Variants in PLEKHG4B observed in about 807,000 individuals in gnomAD.
PLEKHG4B encodes pleckstrin homology and RhoGEF domain containing G4B.
PLEKHG4B carries 111 observed loss-of-function variants against 121.3 expected under a neutral mutation model. The observed-to-expected ratio is 0.92, with a 90% CI of 0.78 to 1.07. The LOEUF is 1.07. Ranked by LOEUF, PLEKHG4B falls within the 50% of genes least tolerant of loss-of-function variation. PLEKHG4B has a pLI of 0.00. For synonymous variants in PLEKHG4B, 738 were observed against 725.0 expected (o/e 1.02, Z -0.29); for missense variants, 1,831 against 1,757.8 (o/e 1.04, Z -0.74).
At position 156,657 on chromosome 5, in the gene PLEKHG4B, C is replaced by T. The variant is rs534743384; in HGVS notation, c.2349-116C>T. ...GTTGTGGGCCTCCTCCTGGGGCTCC[C>T]GTTGCCTTGTGGCATGAGGGAATGG... On this transcript the variant is annotated intron_variant, in intron 10 of 19. Coordinates refer to ENST00000637938, the MANE Select transcript of PLEKHG4B (RefSeq NM_052909.5). The surrounding 1 kb of genome is among the most constrained non-coding windows in gnomAD (Gnocchi z 4.4). 6 of 1,353,326 alleles carry T rather than the reference C, an allele frequency of 4.4e-6. No homozygotes were observed. The highest frequency in any genetic ancestry group is 1.5e-5 in the South Asian group (1 of 66,564). 83.8% of individuals were successfully genotyped at this position (1,353,326 alleles called of 1,614,324 possible).
chr5:118,622 C>T (rs1734374965), intron 2 of PLEKHG4B, among the ~76,000 whole-genome samples: 1 of 152,110 alleles, frequency 6.6e-6, no homozygotes, highest in African/African-American at 2.4e-5. Context: ...TCTAAACTCC[C>T]CTTCATGTTG....
intron 18 of PLEKHG4B, among the ~76,000 whole-genome samples, chr5:175,867 C>T (rs1327374041): frequency 3.8e-5 from 1 of 26,492 alleles, no homozygotes; most frequent in African/African-American, 3.0e-4. Context: ...CAGGCAGACA[C>T]GACCAGGGCT....
At chr5:110,736 ACT>A (rs1734132897) in intron 1 of PLEKHG4B, among the ~76,000 whole-genome samples, 1 of 151,612 alleles carries the variant, frequency 6.6e-6, no homozygotes, top group Non-Finnish European at 1.5e-5. Context: ...CACACCAGCC[ACT>A]CTGCAACAAA....
At chr5:168,404 T>C (rs1651446571) in intron 13 of PLEKHG4B, among the ~76,000 whole-genome samples, 1 of 152,064 alleles carries the variant, frequency 6.6e-6, no homozygotes, top group African/African-American at 2.4e-5. Context: ...CTGAAGCTGC[T>C]CCTTAAGGTG....
chr5:103,763 A>C (rs1415583211), intron 1 of PLEKHG4B, among the ~76,000 whole-genome samples: 1 of 152,216 alleles, frequency 6.6e-6, no homozygotes, highest in African/African-American at 2.4e-5. Flanking sequence ...TCTATACAAC[A>C]AATTATTAAC....
intron 18 of PLEKHG4B, among the ~76,000 whole-genome samples, chr5:178,511 C>A (rs1736832152): frequency 6.6e-6 from 1 of 152,020 alleles, no homozygotes; most frequent in Admixed American, 6.6e-5. Context: ...TTTTTTATAT[C>A]CTTATTGGCT....
chr5:94,376 C>T (rs68032837), intron 1 of PLEKHG4B, among the ~76,000 whole-genome samples: 27,777 of 152,132 alleles, frequency 0.18, 3,529 homozygotes, highest in African/African-American at 0.36. Context: ...CTTCTTCCAC[C>T]ATGCTGTTGA....
intron 14 of PLEKHG4B, among the ~76,000 whole-genome samples, chr5:170,746 G>A (rs1280353868): frequency 1.3e-5 from 2 of 152,086 alleles, no homozygotes; most frequent in Non-Finnish European, 2.9e-5. Flanking sequence ...CAGGCCCACT[G>A]CCAGCTGCAT....
intron 2 of PLEKHG4B, among the ~76,000 whole-genome samples, chr5:132,940 T>A (rs1231559053): frequency 2.0e-5 from 3 of 152,182 alleles, no homozygotes; most frequent in Non-Finnish European, 2.9e-5. Flanking sequence ...ATGATGGTGG[T>A]ATTTTGATGG....
At chr5:112,047 A>T (rs1734174565) in intron 1 of PLEKHG4B, among the ~76,000 whole-genome samples, 1 of 152,248 alleles carries the variant, frequency 6.6e-6, no homozygotes, top group Non-Finnish European at 1.5e-5. Flanking sequence ...ATTAGATCAC[A>T]TAGCATTTCT....
In PLEKHG4B at chr5:163,144, G is replaced by T. The variant is rs778572795; in HGVS notation, c.3072G>T (p.Glu1024Asp). 1.3e-6 allele frequency: 2 copies of T among 1,556,500 alleles called. No individual in the cohort carries two copies. Among genetic ancestry groups the T allele is most frequent in the African/African-American group, 1.4e-5 (1 of 73,446 alleles). The change falls in exon 13 of 20, where the codon GAG (glutamate) becomes GAT (aspartate). Residue 1024 changes from glutamate to aspartate, a missense_variant. Transcript: ENST00000637938. ...CGCTTCTGTGTGGACAGGACGGGGA[G>T]ACCCTGCGCCCAGGGCTGTGTGCTC... Reference protein sequence around the residue: ...GRALLCGQDGETLRPGLCALW... With the variant: ...GRALLCGQDGDTLRPGLCALW...
intron 1 of PLEKHG4B, among the ~76,000 whole-genome samples, chr5:103,434 A>G: frequency 6.6e-6 from 1 of 152,172 alleles, no homozygotes. Flanking sequence ...TGATCAGAGA[A>G]TGCACCGCAC....
At position 151,591 on chromosome 5, in the gene PLEKHG4B, A is replaced by G. The variant is rs778735223; in HGVS notation, c.1984A>G (p.Ile662Val). ...TGCATTTAGGCCTGACAAGGATGCA[A>G]TAATTCAGGTAATGGTTTAGACTGT... ...ESAFRPDKDA[I>V]IQCEVVSSLK... Residue 662 changes from isoleucine (I) to valine (V), a missense_variant, in exon 7 of 20, where the codon ATA (isoleucine) becomes GTA (valine). By Grantham distance (29) the Ile-to-Val change is conservative. Coordinates refer to ENST00000637938, the MANE Select transcript of PLEKHG4B (RefSeq NM_052909.5). 21 of 1,578,340 alleles carry G rather than the reference A, an allele frequency of 1.3e-5. No individual in the cohort carries two copies. The highest frequency in any genetic ancestry group is 1.7e-4 in the Middle Eastern group (1 of 6,010).
At position 189,684 on chromosome 5, in the gene PLEKHG4B, TAAAAG is replaced by T. The variant is rs1334842812; in HGVS notation, c.*7364_*7368del. The T allele has an allele frequency of 6.6e-6, 1 of 151,968 alleles. No individual in the cohort carries two copies. Among genetic ancestry groups the T allele is most frequent in the Non-Finnish European group, 1.5e-5 (1 of 68,020 alleles). 9.4% of individuals were successfully genotyped at this position (151,968 alleles called of 1,614,324 possible). A position where few individuals can be genotyped will look rare whatever the true frequency, so the allele number is the denominator to read the frequency against. ...GAACCCCAAGAGGACCACCCCTCTC[TAAAAG>T]AAGGGAAAACAGTAAGCGAGAGGGA... On this transcript the variant is annotated 3_prime_UTR_variant, in exon 20 of 20. Transcript: ENST00000637938.
At position 162,839 on chromosome 5, in the gene PLEKHG4B, G is replaced by T; in HGVS notation, c.2767G>T (p.Ala923Ser). The part of the protein sequence containing the change: ...TSVAAEAFPG[A>S]GVAVLKPHAL... ...GGTGGCTGCAGAGGCCTTCCCCGGGGCAGGTGTGGCAGTGCTGAAGCCTCA... is the reference window on the plus strand; with the variant it reads ...GGTGGCTGCAGAGGCCTTCCCCGGGTCAGGTGTGGCAGTGCTGAAGCCTCA... The change falls in exon 13 of 20, where the codon GCA becomes TCA. Residue 923 changes from alanine to serine, a missense_variant. Coordinates refer to ENST00000637938, the MANE Select transcript of PLEKHG4B (RefSeq NM_052909.5). The T allele has an allele frequency of 6.6e-7, 1 of 1,510,634 alleles. No homozygotes were observed. The allele number at this position is 1,510,634 out of a possible 1,614,324, so 93.6% of individuals were successfully genotyped here.
In PLEKHG4B at chr5:133,348, C is replaced by T. The variant is rs552041339; in HGVS notation, c.244-6135C>T. Among the ~76,000 whole-genome samples, 9 of 152,124 alleles carry T rather than the reference C, an allele frequency of 5.9e-5. No individual in the cohort carries two copies. In the South Asian group the frequency reaches 6.2e-4, roughly 11 times the overall value. ...ATATCATCAACCAAAAACGACAGTT[C>T]GACTTCCTCTGTACTGATTTGGATG... On this transcript the variant is annotated intron_variant, in intron 2 of 19. Coordinates refer to ENST00000637938, the MANE Select transcript of PLEKHG4B (RefSeq NM_052909.5).
intron 1 of PLEKHG4B, among the ~76,000 whole-genome samples, chr5:105,477 AATCATCTTGTCAATGGT>A (rs1408332314): frequency 6.6e-6 from 1 of 152,254 alleles, no homozygotes; most frequent in Admixed American, 6.5e-5. Context: ...AATTAGTTTC[AATCATCTTGTCAATGGT>A]ATCATCCAGA....
intron 1 of PLEKHG4B, among the ~76,000 whole-genome samples, chr5:111,987 A>C (rs1734172989): frequency 1.3e-5 from 2 of 151,800 alleles, no homozygotes; most frequent in African/African-American, 4.8e-5. Flanking sequence ...ACTCATTCTC[A>C]TGGACTATGT....
chr5:127,230 T>C (rs1184508288), intron 2 of PLEKHG4B, among the ~76,000 whole-genome samples: 2 of 151,978 alleles, frequency 1.3e-5, no homozygotes, highest in Admixed American at 1.3e-4. Flanking sequence ...AGAAAATGAT[T>C]TGGGGGCTGA....
Sources: allele counts gnomAD v4.1 joint callset (sites outside exome capture counted in the v4.1 genomes callset), GRCh38; gene constraint gnomAD v4.1.1; non-coding constraint Gnocchi (gnomAD v3.1); transcripts MANE v1.5; gene names NCBI Gene and HGNC (gene_info 2026-07-23, HGNC 2026-07-21).